The following CEP192 variants were observed in gnomAD, a reference collection of about 807,000 sequenced individuals.
The protein encoded by CEP192 is centrosomal protein 192, also known as centrosomal protein of 192 kDa.
CEP192 carries 151 observed loss-of-function variants against 271.8 expected under a neutral mutation model. The observed-to-expected ratio is 0.56, with a 90% CI of 0.49 to 0.64. The LOEUF (loss-of-function observed/expected upper bound fraction) is 0.64. Among genes scored for constraint, CEP192 ranks in the 30% least tolerant of loss-of-function variants. The probability of loss-of-function intolerance (pLI) is 0.00; values close to 1 mark genes in which losing one functional copy is unlikely to be tolerated. For missense variants in CEP192, 2,910 were observed against 3,020.5 expected, an observed-to-expected ratio of 0.96 and a Z score of 0.86; for synonymous variants, 995 against 1,076.5, an observed-to-expected ratio of 0.92 and a Z score of 1.48.
intron 30 of CEP192, among the ~76,000 whole-genome samples, chr18:13,084,845 C>T (rs1340687216): frequency 1.3e-5 from 2 of 150,980 alleles, no homozygotes; most frequent in Admixed American, 6.6e-5. Flanking sequence ...ACAGAGTCTT[C>T]CTCTGTTGCC....
intron 9 of CEP192, among the ~76,000 whole-genome samples, chr18:13,019,566 G>A (rs1359420085): frequency 6.6e-6 from 1 of 152,076 alleles, no homozygotes; most frequent in Non-Finnish European, 1.5e-5. Flanking sequence ...TCCTGTGCCT[G>A]AAGCTTGGTA....
chr18:13,115,996 A>C (rs2040411444), intron 42 of CEP192, among the ~76,000 whole-genome samples: 1 of 152,170 alleles, frequency 6.6e-6, no homozygotes, highest in African/African-American at 2.4e-5. Flanking sequence ...ACCAGCAAAC[A>C]TTGCCTGGAG....
chr18:13,012,492 C>T (rs188668930), intron 4 of CEP192, among the ~76,000 whole-genome samples: 68 of 152,242 alleles, frequency 4.5e-4, no homozygotes, highest in South Asian at 8.3e-4. Context: ...ACACAGCTAA[C>T]GAGCTTAGTG....
Position 13,073,174 on chromosome 18 carries a change from A to T in CEP192, c.5605A>T (p.Ile1869Phe). 1 of 1,607,334 alleles carries T rather than the reference A, an allele frequency of 6.2e-7. No individual in the cohort carries two copies. Among genetic ancestry groups the T allele is most frequent in the Non-Finnish European group, 8.5e-7 (1 of 1,177,946 alleles). Residue 1869 changes from isoleucine (I) to phenylalanine (F), a missense_variant, in exon 30 of 45, where the codon ATT (isoleucine) becomes TTT (phenylalanine). Physicochemically the swap from Ile to Phe is conservative, Grantham distance 21 (BLOSUM62 0). Coordinates refer to ENST00000506447, the MANE Select transcript of CEP192 (RefSeq NM_032142.4). ...ACTTGGAAATCGATCACAACCAGGC[A>T]TTAAGTTCACAGTAAGATCATTTTA... Reference protein sequence around the residue: ...KQLGNRSQPGIKFTIPLSGYG... With the variant: ...KQLGNRSQPGFKFTIPLSGYG...
Position 13,087,028 on chromosome 18 carries a change from T to G in CEP192, c.5628T>G (p.Ser1876=). The change falls in exon 31 of 45, where the codon TCT becomes TCG. Residue 1876 remains serine, a synonymous_variant. Coordinates refer to ENST00000506447, the MANE Select transcript of CEP192 (RefSeq NM_032142.4). ...TATATCTTTTTTAGATACCTTTGTCTGGATATGGAGGAACAAGCAATCTTA... is the reference window on the plus strand; with the variant it reads ...TATATCTTTTTTAGATACCTTTGTCGGGATATGGAGGAACAAGCAATCTTA... ...QPGIKFTIPL[S]GYGGTSNLIL... is the part of the protein sequence containing the mutation. The G allele has an allele frequency of 6.2e-7, 1 of 1,606,266 alleles. No homozygotes were observed. The highest frequency in any genetic ancestry group is 1.1e-5 in the South Asian group (1 of 90,356).
At chr18:13,038,196 C>T (rs769749376) in intron 12 of CEP192, among the ~76,000 whole-genome samples, 174 bp from the exon 13 acceptor site, 9 of 151,966 alleles carry the variant, frequency 5.9e-5, no homozygotes, top group Non-Finnish European at 7.4e-5. Context: ...CTTTTCTGGA[C>T]TTCATTAGCT....
At chr18:13,101,596 T>G (rs1157121840) in intron 38 of CEP192, among the ~76,000 whole-genome samples, 1 of 152,136 alleles carries the variant, frequency 6.6e-6, no homozygotes, top group Non-Finnish European at 1.5e-5. Context: ...TTAGAGAGGA[T>G]ATGGGTGCAT....
chr18:12,994,070 T>C (rs1599006541), intron 1 of CEP192, among the ~76,000 whole-genome samples: 2 of 152,320 alleles, frequency 1.3e-5, no homozygotes, highest in African/African-American at 2.4e-5. Flanking sequence ...TCACAGATAC[T>C]TACTGAGTAC....
chr18:13,115,594 A>G (rs534934995), intron 42 of CEP192, among the ~76,000 whole-genome samples: 1 of 152,266 alleles, frequency 6.6e-6, no homozygotes, highest in African/African-American at 2.4e-5. Flanking sequence ...AAAGGAGTCC[A>G]GGAGTAAAAT....
At chr18:13,063,978 G>A (rs1032004123) in intron 21 of CEP192, among the ~76,000 whole-genome samples, 1 of 151,152 alleles carries the variant, frequency 6.6e-6, no homozygotes, top group Non-Finnish European at 1.5e-5. Context: ...GCACCACCAC[G>A]CCTGGCTAAT....
At chr18:13,108,098 T>C (rs905072981) in intron 40 of CEP192, among the ~76,000 whole-genome samples, 6 of 152,110 alleles carry the variant, frequency 3.9e-5, no homozygotes. Flanking sequence ...GCTAACCATA[T>C]GGAGAGGAAT....
chr18:13,012,208 ATAG>A (rs2034402096), intron 4 of CEP192, among the ~76,000 whole-genome samples: 1 of 152,224 alleles, frequency 6.6e-6, no homozygotes, highest in Admixed American at 6.5e-5. Context: ...AATAATGAAA[ATAG>A]TGGTGATGGC....
At position 13,121,062 on chromosome 18, in the gene CEP192, C is replaced by T. The variant is rs114615571; in HGVS notation, c.7475+3419C>T. ...ACAGAACTGAAGTCATGGGGACTTA[C>T]GGCATTGTGTGCTATTGTATTTGTC... is the stretch of plus-strand genomic sequence containing the variant. On this transcript the variant is annotated intron_variant, in intron 44 of 44. Coordinates refer to ENST00000506447, the MANE Select transcript of CEP192 (RefSeq NM_032142.4). Among the ~76,000 whole-genome samples, 891 of 152,282 alleles carry T rather than the reference C, an allele frequency of 5.9e-3. 12 individuals carry two copies. Among genetic ancestry groups the T allele is most frequent in the African/African-American group, 0.02 (832 of 41,540 alleles).
intron 33 of CEP192, among the ~76,000 whole-genome samples, chr18:13,091,948 T>C (rs192382124): frequency 1.2e-4 from 18 of 152,330 alleles, no homozygotes; most frequent in African/African-American, 4.1e-4. Context: ...AGAATTGTTT[T>C]GAAAATTAAC....
chr18:13,036,146 A>AC (rs1491206884), intron 11 of CEP192, among the ~76,000 whole-genome samples: 1 of 104,108 alleles, frequency 9.6e-6, no homozygotes, highest in Non-Finnish European at 2.0e-5. Context: ...ACCTTGTCTC[A>AC]AAAAAAAAAA....
At chr18:13,001,070 G>A (rs948353767) in intron 2 of CEP192, among the ~76,000 whole-genome samples, 5 of 152,196 alleles carry the variant, frequency 3.3e-5, no homozygotes, top group Non-Finnish European at 7.3e-5. Context: ...ACTGGATTGT[G>A]TATAGTTTAC....
chr18:13,037,589 G>C (rs1174495693), intron 12 of CEP192, among the ~76,000 whole-genome samples: 1 of 152,156 alleles, frequency 6.6e-6, no homozygotes, highest in African/African-American at 2.4e-5. Flanking sequence ...GACAGGACTT[G>C]CTGTGTCACC....
At chr18:13,090,889 A>C (rs781205264) in intron 33 of CEP192, among the ~76,000 whole-genome samples, 38 of 152,168 alleles carry the variant, frequency 2.5e-4, no homozygotes, top group Non-Finnish European at 4.3e-4. Context: ...CAGAGTTTGC[A>C]GTGGTTCAGA....
chr18:13,070,156 CAAA>C (rs74312508), intron 27 of CEP192, among the ~76,000 whole-genome samples: 1 of 141,966 alleles, frequency 7.0e-6, no homozygotes, highest in Non-Finnish European at 1.5e-5. Flanking sequence ...GAGTCCGTCT[CAAA>C]AAAAAAAAAG....
Sources: gnomAD v4.1 joint callset for allele counts (sites outside exome capture counted in the v4.1 genomes callset) on GRCh38, gnomAD v4.1.1 for gene constraint, MANE v1.5 for transcripts, NCBI Gene and HGNC (gene_info 2026-07-23, HGNC 2026-07-21) for gene names.